Variants in IL1RL1 observed in about 807,000 individuals in gnomAD.
IL1RL1 encodes interleukin 1 receptor like 1, also known as interleukin-1 receptor-like 1.
In IL1RL1, 32 loss-of-function variants were observed where a neutral mutation model predicts 50.9. The ratio of observed to expected loss-of-function variants is 0.63; its 90% CI spans 0.47 to 0.84. The LOEUF (loss-of-function observed/expected upper bound fraction) is 0.84. IL1RL1 is among the 40% of genes least tolerant of loss of function. The pLI is 0.00. For missense variants in IL1RL1, 773 were observed against 662.9 expected (o/e 1.17, Z -1.82); for synonymous variants, 275 against 236.0 (o/e 1.17, Z -1.51).
rs570868780 is a variant in IL1RL1 at position 102,343,286 on chromosome 2, G to A, written c.841G>A (p.Ala281Thr). 18 of 1,614,188 alleles carry A rather than the reference G, an allele frequency of 1.1e-5. No individual in the cohort carries two copies. In the South Asian group the frequency reaches 1.9e-4, roughly 17 times the overall value. ...CTTTCTTAGTTTCAGCAATGGGCTG[G>A]CTTGTCTAGACATGGTTTTAAGAAT... ...GQNQSFSNGLACLDMVLRIAD... is the reference protein window; with the variant it reads ...GQNQSFSNGLTCLDMVLRIAD... The change falls in exon 8 of 11, where the codon GCT becomes ACT. Residue 281 changes from alanine to threonine, a missense_variant. Physicochemically the swap from Ala to Thr is moderately conservative, Grantham distance 58 (BLOSUM62 0). Transcript: ENST00000233954.
At chr2:102,346,006 G>T in intron 8 of IL1RL1, 2 of 984,594 alleles carry the variant, frequency 2.0e-6, no homozygotes, top group Non-Finnish European at 2.4e-6. Flanking sequence ...GCTCCTTCTA[G>T]CTTATTTGTA....
intron 1 of IL1RL1, among the ~76,000 whole-genome samples, chr2:102,325,828 G>A (rs1216648839): frequency 6.6e-6 from 1 of 152,166 alleles, no homozygotes; most frequent in Non-Finnish European, 1.5e-5. Context: ...AACGAACAAA[G>A]TCTCCAAGAA....
chr2:102,345,930 T>C (rs1219227373), intron 8 of IL1RL1: 1 of 985,372 alleles, frequency 1.0e-6, no homozygotes, highest in Non-Finnish European at 1.2e-6. Context: ...TACGTTATCA[T>C]TGATCAATGT....
intron 8 of IL1RL1, chr2:102,343,781 T>C (rs1677677151): frequency 2.7e-6 from 3 of 1,125,242 alleles, no homozygotes; most frequent in Non-Finnish European, 3.3e-6. Context: ...TGCTCTTTTA[T>C]AACTTGCATT....
intron 1 of IL1RL1, among the ~76,000 whole-genome samples, chr2:102,321,875 C>T (rs971764): frequency 0.53 from 80,064 of 152,022 alleles, 21,337 homozygotes; most frequent in Middle Eastern, 0.65. Context: ...CATTATTGTG[C>T]GGTTCGCTAT....
intron 3 of IL1RL1, among the ~76,000 whole-genome samples, 177 bp from the exon 4 acceptor site, chr2:102,339,921 T>A (rs1227540482): frequency 1.3e-5 from 2 of 152,146 alleles, no homozygotes; most frequent in Non-Finnish European, 2.9e-5. Flanking sequence ...TTAGCTCAAG[T>A]GTAACAAAAA....
chr2:102,321,559 G>A (rs1000971724), intron 1 of IL1RL1, among the ~76,000 whole-genome samples: 9 of 152,164 alleles, frequency 5.9e-5, no homozygotes, highest in Non-Finnish European at 8.8e-5. Flanking sequence ...TGAGTCAATA[G>A]CCACTGCCCC....
At chr2:102,343,704 A>G (rs1677673625) in intron 8 of IL1RL1, 1 of 1,330,772 alleles carries the variant, frequency 7.5e-7, no homozygotes, top group South Asian at 1.7e-5. Flanking sequence ...AACTTTATGA[A>G]CTCCCTCTGT....
intron 1 of IL1RL1, among the ~76,000 whole-genome samples, chr2:102,333,982 GT>G (rs1263021733): frequency 6.6e-6 from 1 of 152,136 alleles, no homozygotes; most frequent in Non-Finnish European, 1.5e-5. Flanking sequence ...CTAGTCAACC[GT>G]TGATGGACAC....
intron 1 of IL1RL1, among the ~76,000 whole-genome samples, chr2:102,320,017 T>C (rs1676791747): frequency 6.6e-6 from 1 of 152,208 alleles, no homozygotes; most frequent in Non-Finnish European, 1.5e-5. Context: ...TTTTAAAAAC[T>C]TTTCTTTATT....
At chr2:102,311,884 A>C (rs1381204234) in intron 1 of IL1RL1, among the ~76,000 whole-genome samples, 1 of 38,836 alleles carries the variant, frequency 2.6e-5, no homozygotes, top group Non-Finnish European at 4.4e-5. Context: ...TATATAATAT[A>C]ATATATAATA....
intron 1 of IL1RL1, among the ~76,000 whole-genome samples, chr2:102,319,439 G>A (rs1676773048): frequency 6.6e-6 from 1 of 152,088 alleles, no homozygotes; most frequent in Non-Finnish European, 1.5e-5. Flanking sequence ...AGAAAAGAAA[G>A]GGAGGTGCAA....
chr2:102,336,810 C>T (rs1677342065), intron 1 of IL1RL1, among the ~76,000 whole-genome samples: 1 of 152,104 alleles, frequency 6.6e-6, no homozygotes, highest in Admixed American at 6.6e-5. Flanking sequence ...TTCTAAGTTC[C>T]AGAAAGTGCT....
At chr2:102,321,370 T>C (rs1676833429) in intron 1 of IL1RL1, among the ~76,000 whole-genome samples, 1 of 152,238 alleles carries the variant, frequency 6.6e-6, no homozygotes, top group South Asian at 2.1e-4. Context: ...GAAACAGTGA[T>C]TGGCATGAAA....
At chr2:102,314,948 G>A (rs1352813096) in intron 1 of IL1RL1, among the ~76,000 whole-genome samples, 2 of 152,080 alleles carry the variant, frequency 1.3e-5, no homozygotes, top group Non-Finnish European at 2.9e-5. Flanking sequence ...AAGATTCTGA[G>A]TTATTTGCTC....
chr2:102,340,236 C>T lies in IL1RL1; in HGVS notation c.411C>T (p.Asp137=), dbSNP rs1218697550. The T allele has an allele frequency of 1.7e-5, 27 of 1,604,066 alleles. No homozygotes were observed. The highest frequency in any genetic ancestry group is 2.2e-5 in the Non-Finnish European group (26 of 1,177,644). Residue 137 remains aspartate (D), a synonymous_variant, in exon 4 of 11, where the codon GAC becomes GAT. Transcript: ENST00000233954. ...KNSKIYCPTI[D]LYNWTAPLEW... is the part of the protein sequence containing the mutation. ...CCAAAATTTATTGTCCTACCATTGA[C>T]CTCTACAACTGGACAGCACCTCTTG...
intron 1 of IL1RL1, among the ~76,000 whole-genome samples, chr2:102,336,239 AC>A (rs1677322236): frequency 6.6e-6 from 1 of 152,044 alleles, no homozygotes; most frequent in South Asian, 2.1e-4. Context: ...TTCTGACTTC[AC>A]CCCTTAATGT....
chr2:102,333,983 T>A (rs960753532), intron 1 of IL1RL1, among the ~76,000 whole-genome samples: 1 of 152,214 alleles, frequency 6.6e-6, no homozygotes, highest in Non-Finnish European at 1.5e-5. Context: ...TAGTCAACCG[T>A]TGATGGACAC....
chr2:102,343,507 A>C (rs1170313601), intron 8 of IL1RL1, 92 bp downstream of exon 8: 4 of 1,609,258 alleles, frequency 2.5e-6, no homozygotes, highest in Non-Finnish European at 3.4e-6. Context: ...CATCAAGACA[A>C]TGGGAATGGC....
Sources: allele counts gnomAD v4.1 joint callset (sites outside exome capture counted in the v4.1 genomes callset), GRCh38; gene constraint gnomAD v4.1.1; transcripts MANE v1.5; gene names NCBI Gene and HGNC (gene_info 2026-07-23, HGNC 2026-07-21).